Variants in ABCA6 observed in about 807,000 individuals in gnomAD.
The protein encoded by ABCA6 is ATP binding cassette subfamily A member 6, also known as ATP-binding cassette sub-family A member 6.
In ABCA6, 164 loss-of-function variants were observed where a neutral mutation model predicts 191.2. The observed-to-expected ratio is 0.86, with a 90% CI of 0.76 to 0.98. The LOEUF (loss-of-function observed/expected upper bound fraction) is 0.98, where lower values mean the gene tolerates loss of function less well. Among genes scored for constraint, ABCA6 ranks in the 50% least tolerant of loss-of-function variants. The pLI is 0.00. For missense variants in ABCA6, 1,958 were observed against 1,894.1 expected (o/e 1.03, Z -0.63); for synonymous variants, 636 against 647.7 (o/e 0.98, Z 0.27).
At position 69,091,650 on chromosome 17, in the gene ABCA6, G is replaced by A. The variant is rs2072925992; in HGVS notation, c.3409-388C>T. Among the ~76,000 whole-genome samples, 2 of 70,276 alleles carry A rather than the reference G, an allele frequency of 2.8e-5. 1 individual carries two copies. 46.1% of individuals were successfully genotyped at this position (70,276 alleles called of 152,430 possible). On this transcript the variant is annotated intron_variant, in intron 25 of 38. Transcript: ENST00000284425. ...CCATTCTCCTGCCTCAGCCTCCCGA[G>A]TAGCTGGGACTACAGGCGCCCGCCA...
At chr17:69,088,303 ATAT>A (rs1567999253) in intron 27 of ABCA6, 45 bp from the exon 28 acceptor site, 7 of 1,388,876 alleles carry the variant, frequency 5.0e-6, no homozygotes, top group Admixed American at 2.2e-5. Context: ...AAGTTCACAA[ATAT>A]TATTTAAATA....
At chr17:69,089,007 C>A (rs2072867637) in intron 27 of ABCA6, among the ~76,000 whole-genome samples, 1 of 152,136 alleles carries the variant, frequency 6.6e-6, no homozygotes, top group African/African-American at 2.4e-5. Context: ...ATATAAGCTC[C>A]ATGAGGGCAG....
intron 6 of ABCA6, among the ~76,000 whole-genome samples, chr17:69,131,906 C>A (rs2073868785): frequency 6.6e-6 from 1 of 152,140 alleles, no homozygotes; most frequent in African/African-American, 2.4e-5. Context: ...ATAGGACATG[C>A]CCTGGACAGA....
In ABCA6 at chr17:69,091,215, T is replaced by C. The variant is rs34831728; in HGVS notation, c.3456A>G (p.Leu1152=). Residue 1152 remains leucine, a synonymous_variant, in exon 26 of 39, where the codon CTA becomes CTG. Transcript: ENST00000284425. ...ATACCATGGTGGTAATCAATATACT[T>C]AGGTCAAAATGATTGATTAAAGTGA... ...FSITLINHFD[L]SILITTMVLV... is the part of the protein sequence containing the mutation. 2,791 of 1,612,092 alleles carry C rather than the reference T, an allele frequency of 1.7e-3. 25 individuals carry two copies. The African/African-American group carries it at 0.031, about 18-fold the overall frequency.
Position 69,123,243 on chromosome 17 carries a change from T to C in ABCA6, c.1432A>G (p.Ile478Val). ...ATTACTTATAAGTGTGATTACCTGA[T>C]GGCTTCTTTTCCTTGGAATTCAGGA... ...VAPEFQGKEA[I>V]RIRNVKKEYK... Residue 478 changes from isoleucine to valine, a missense_variant, in exon 10 of 39, where the codon ATC (isoleucine) becomes GTC (valine). Coordinates refer to ENST00000284425, the MANE Select transcript of ABCA6 (RefSeq NM_080284.3). 2 of 1,470,594 alleles carry C rather than the reference T, an allele frequency of 1.4e-6. No homozygotes were observed. Among genetic ancestry groups the C allele is most frequent in the Non-Finnish European group, 9.1e-7 (1 of 1,098,044 alleles). The allele number at this position is 1,470,594 out of a possible 1,614,324, so 91.1% of individuals were successfully genotyped here.
At chr17:69,125,668 C>T (rs2073738249) in intron 8 of ABCA6, among the ~76,000 whole-genome samples, 1 of 152,092 alleles carries the variant, frequency 6.6e-6, no homozygotes, top group Non-Finnish European at 1.5e-5. Flanking sequence ...GAAAGTCTTA[C>T]TCTTAGGGCC....
In ABCA6 at chr17:69,096,359, C is replaced by A; in HGVS notation, c.3295-6G>T. Reference sequence around the variant, plus strand: ...TAACCAGGAGTAACTATAACCTGAGCATAAAAGAAATAATAACATAGTCAA... The same window carrying A: ...TAACCAGGAGTAACTATAACCTGAGAATAAAAGAAATAATAACATAGTCAA... On this transcript the variant is annotated splice_polypyrimidine_tract_variant and splice_region_variant and intron_variant, in intron 24 of 38. Coordinates refer to ENST00000284425, the MANE Select transcript of ABCA6 (RefSeq NM_080284.3). The A allele has an allele frequency of 5.1e-6, 7 of 1,375,926 alleles. No individual in the cohort carries two copies. Among genetic ancestry groups the A allele is most frequent in the Admixed American group, 5.0e-5 (2 of 40,384 alleles). 85.2% of individuals were successfully genotyped at this position (1,375,926 alleles called of 1,614,324 possible).
chr17:69,134,683 C>T lies in ABCA6; in HGVS notation c.520G>A (p.Gly174Arg). The T allele has an allele frequency of 6.2e-7, 1 of 1,613,758 alleles. No homozygotes were observed. Among genetic ancestry groups the T allele is most frequent in the South Asian group, 1.1e-5 (1 of 91,052 alleles). ...SCTLTKYWNR[G>R]FVALQTAINT... ...ATAGCTGTTTGTAAAGCCACAAATC[C>T]TCTATTCCAGTATTTGGTCAATGTA... Residue 174 changes from glycine to arginine, a missense_variant, in exon 5 of 39, where the codon GGA becomes AGA. Gly to Arg is a moderately radical substitution (Grantham distance 125). Transcript: ENST00000284425.
chr17:69,099,809 G>A (rs1464481956), intron 22 of ABCA6, among the ~76,000 whole-genome samples: 1 of 152,148 alleles, frequency 6.6e-6, no homozygotes, highest in Non-Finnish European at 1.5e-5. Context: ...CTCAAGTACT[G>A]TATATTTCAT....
At chr17:69,140,044 G>A (rs1386607052) in intron 2 of ABCA6, among the ~76,000 whole-genome samples, 1 of 151,482 alleles carries the variant, frequency 6.6e-6, no homozygotes, top group Non-Finnish European at 1.5e-5. Flanking sequence ...ACATGTATAT[G>A]TATGTAACTA....
rs777813083 is a variant in ABCA6, at chr17:69,088,248, T to C, written c.3617A>G (p.Gln1206Arg). ...TAGAACAAAAACGAATAGCAAAGTC[T>C]GAAAGTAGGGCTATGAGCAAAGAAA... ...DFLVCFIPYF[Q>R]TLLFVFVLRC... Residue 1206 changes from glutamine to arginine, a missense_variant, in exon 28 of 39, where the codon CAG (glutamine) becomes CGG (arginine). By Grantham distance (43) the Gln-to-Arg change is conservative (BLOSUM62 1). Transcript: ENST00000284425. The C allele has an allele frequency of 1.2e-6, 2 of 1,609,634 alleles. No homozygotes were observed. Among genetic ancestry groups the C allele is most frequent in the African/African-American group, 2.7e-5 (2 of 74,752 alleles).
intron 30 of ABCA6, 118 bp from the exon 31 acceptor site, chr17:69,085,834 T>A: frequency 1.4e-6 from 1 of 696,058 alleles, no homozygotes; most frequent in Non-Finnish European, 2.5e-6. Flanking sequence ...ATTTTGAGAT[T>A]GATAACATAT....
chr17:69,083,647 G>T (rs1260897321), intron 34 of ABCA6, among the ~76,000 whole-genome samples: 2 of 152,144 alleles, frequency 1.3e-5, no homozygotes, highest in Non-Finnish European at 1.5e-5. Flanking sequence ...AAAGGAGATT[G>T]GTTCTATTGA....
chr17:69,096,328 G>A lies in ABCA6; in HGVS notation c.3320C>T (p.Ala1107Val), dbSNP rs758758118. ...ALVIVTPGYAASLVFFIYMIS... is the reference protein window; with the variant it reads ...ALVIVTPGYAVSLVFFIYMIS... ...CATATATATGAAGAAGACAAGAGAA[G>A]CTGCATAACCAGGAGTAACTATAAC... Residue 1107 changes from alanine to valine, a missense_variant, in exon 25 of 39, where the codon GCT becomes GTT. By Grantham distance (64) the Ala-to-Val change is moderately conservative. Transcript: ENST00000284425. The A allele has an allele frequency of 1.3e-6, 2 of 1,506,104 alleles. No homozygotes were observed. Among genetic ancestry groups the A allele is most frequent in the Non-Finnish European group, 1.8e-6 (2 of 1,125,020 alleles). The allele number at this position is 1,506,104 out of a possible 1,614,324, so 93.3% of individuals were successfully genotyped here.
chr17:69,080,974 T>A (rs2072616737), intron 37 of ABCA6, 92 bp downstream of exon 37: 3 of 788,740 alleles, frequency 3.8e-6, no homozygotes, highest in Middle Eastern at 5.0e-4. Context: ...AGCCCTATTT[T>A]AAAAAATTGT....
At chr17:69,131,432 G>T (rs1162879365) in intron 6 of ABCA6, among the ~76,000 whole-genome samples, 1 of 151,948 alleles carries the variant, frequency 6.6e-6, no homozygotes, top group Non-Finnish European at 1.5e-5. Context: ...AACTACTTTA[G>T]GTAGGAATTG....
intron 8 of ABCA6, 74 bp from the exon 9 acceptor site, chr17:69,125,109 A>C (rs912621030): frequency 6.1e-6 from 5 of 821,468 alleles, no homozygotes; most frequent in Non-Finnish European, 8.4e-6. Context: ...AAAAAGTATT[A>C]ATTTATTAAC....
At chr17:69,129,498 A>T in intron 7 of ABCA6, 112 bp downstream of exon 7, 2 of 898,314 alleles carry the variant, frequency 2.2e-6, no homozygotes, top group East Asian at 2.5e-5. Context: ...ACACATGCAC[A>T]CACACAATGG....
rs773443230 is a variant in ABCA6 at position 69,107,735 on chromosome 17, C to T, written c.2350G>A (p.Val784Ile). The T allele has an allele frequency of 1.9e-6, 3 of 1,612,618 alleles. No homozygotes were observed. Among genetic ancestry groups the T allele is most frequent in the Middle Eastern group, 1.7e-4 (1 of 6,048 alleles). Reference sequence around the variant, plus strand: ...GACTGTCCTTCCAGTTTCATAAAGACTTCATTTAGAGTTGACATGGAAATG... The same window carrying T: ...GACTGTCCTTCCAGTTTCATAAAGATTTCATTTAGAGTTGACATGGAAATG... Reference protein sequence around the residue: ...YDISMSTLNEVFMKLEGQSTI... With the variant: ...YDISMSTLNEIFMKLEGQSTI... Residue 784 changes from valine (V) to isoleucine (I), a missense_variant, in exon 18 of 39, where the codon GTC (valine) becomes ATC (isoleucine). Physicochemically the swap from Val to Ile is conservative, Grantham distance 29. Coordinates refer to ENST00000284425, the MANE Select transcript of ABCA6 (RefSeq NM_080284.3).
Sources: gnomAD v4.1 joint callset for allele counts (sites outside exome capture counted in the v4.1 genomes callset) on GRCh38, gnomAD v4.1.1 for gene constraint, MANE v1.5 for transcripts, NCBI Gene and HGNC (gene_info 2026-07-23, HGNC 2026-07-21) for gene names.